Variants in TLK1 observed in about 807,000 individuals in gnomAD.
TLK1 encodes tousled like kinase 1.
TLK1 carries 24 observed loss-of-function variants against 105.3 expected under a neutral mutation model. The ratio of observed to expected loss-of-function variants is 0.23; its 90% CI spans 0.17 to 0.32. TLK1 has a LOEUF of 0.32. Among genes scored for constraint, TLK1 ranks in the 10% least tolerant of loss-of-function variants. The pLI is 1.00. For synonymous variants in TLK1, 321 were observed against 310.4 expected (o/e 1.03, Z -0.36); for missense variants, 558 against 910.5 (o/e 0.61, Z 4.98).
chr2:171,229,837 G>A (rs1341655105), intron 1 of TLK1, among the ~76,000 whole-genome samples: 3 of 152,144 alleles, frequency 2.0e-5, no homozygotes, highest in African/African-American at 7.2e-5. Context: ...TTGGCATGGC[G>A]AGTTAGCAGA....
At chr2:171,059,114 C>T (rs903705000) in intron 4 of TLK1, among the ~76,000 whole-genome samples, 1 of 152,172 alleles carries the variant, frequency 6.6e-6, no homozygotes. Flanking sequence ...TTCAGGACTA[C>T]CAATGCTACC....
At chr2:171,133,600 A>G (rs1291002665) in intron 1 of TLK1, among the ~76,000 whole-genome samples, 3 of 152,106 alleles carry the variant, frequency 2.0e-5, no homozygotes. Flanking sequence ...CCCTGTCTAA[A>G]ATAATATAAA....
intron 2 of TLK1, among the ~76,000 whole-genome samples, chr2:171,101,727 A>G (rs1689702180): frequency 6.6e-6 from 1 of 152,260 alleles, no homozygotes; most frequent in African/African-American, 2.4e-5. Context: ...ATAATCATTC[A>G]TGCAAACACT....
intron 11 of TLK1, among the ~76,000 whole-genome samples, chr2:171,037,657 T>C (rs1291105493): frequency 1.3e-5 from 2 of 152,142 alleles, no homozygotes; most frequent in African/African-American, 4.8e-5. Context: ...ATGTGAAAAG[T>C]TATATATATT....
At chr2:171,230,096 C>T (rs1693966888) in intron 1 of TLK1, among the ~76,000 whole-genome samples, 1 of 152,130 alleles carries the variant, frequency 6.6e-6, no homozygotes, top group Non-Finnish European at 1.5e-5. Context: ...ATACTTATTT[C>T]CAGAGGCCCA....
chr2:171,002,542 G>C (rs1026874000), intron 18 of TLK1, among the ~76,000 whole-genome samples: 2 of 152,030 alleles, frequency 1.3e-5, no homozygotes, highest in Non-Finnish European at 2.9e-5. Flanking sequence ...CCAAAGTGCT[G>C]GGATTATAGG....
intron 6 of TLK1, among the ~76,000 whole-genome samples, chr2:171,055,778 C>G (rs754524580): frequency 1.2e-4 from 18 of 151,652 alleles, no homozygotes; most frequent in Non-Finnish European, 2.4e-4. Flanking sequence ...TGTCTAAAGA[C>G]AAAGGACAAG....
At chr2:171,066,896 C>A in intron 3 of TLK1, 3 of 1,551,674 alleles carry the variant, frequency 1.9e-6, no homozygotes, top group Non-Finnish European at 2.6e-6. Context: ...AGAACAACTG[C>A]TGAAGGGTGG....
At chr2:171,044,517 G>C (rs1050939151) in intron 11 of TLK1, among the ~76,000 whole-genome samples, 1 of 152,180 alleles carries the variant, frequency 6.6e-6, no homozygotes, top group Non-Finnish European at 1.5e-5. Context: ...TAGCAACTAA[G>C]CAGGATGTGA....
intron 1 of TLK1, among the ~76,000 whole-genome samples, chr2:171,185,088 C>T (rs1012916964): frequency 6.6e-6 from 1 of 152,196 alleles, no homozygotes; most frequent in South Asian, 2.1e-4. Flanking sequence ...ATCTGCCCGC[C>T]TTGGCCTCCC....
At chr2:171,127,281 A>G (rs1476721767) in intron 1 of TLK1, among the ~76,000 whole-genome samples, 2 of 127,864 alleles carry the variant, frequency 1.6e-5, no homozygotes, top group Non-Finnish European at 3.4e-5. Context: ...CCGTCTCAAA[A>G]AAAAAAAAAA....
chr2:171,226,021 C>G (rs1041105703), intron 1 of TLK1, among the ~76,000 whole-genome samples: 7 of 152,166 alleles, frequency 4.6e-5, no homozygotes, highest in African/African-American at 1.4e-4. Flanking sequence ...ATATAATACT[C>G]TCTCACCACC....
intron 12 of TLK1, among the ~76,000 whole-genome samples, chr2:171,016,741 A>G (rs2723248): frequency 0.15 from 23,441 of 152,204 alleles, 3,425 homozygotes; most frequent in African/African-American, 0.38. Context: ...TCAGAGGAAT[A>G]TTTTAAGCAT....
chr2:171,074,556 G>A (rs1688410577), intron 3 of TLK1, among the ~76,000 whole-genome samples: 1 of 150,366 alleles, frequency 6.7e-6, no homozygotes, highest in African/African-American at 2.4e-5. Context: ...GAGCCCAGAA[G>A]GCAGTGGTTG....
intron 8 of TLK1, among the ~76,000 whole-genome samples, chr2:171,050,962 G>T (rs1687209997): frequency 6.6e-6 from 1 of 152,220 alleles, no homozygotes; most frequent in Non-Finnish European, 1.5e-5. Flanking sequence ...AGAATCAAAA[G>T]TCTAGGCCAA....
intron 2 of TLK1, among the ~76,000 whole-genome samples, chr2:171,083,305 CTGTT>C (rs1187410971): frequency 6.6e-6 from 1 of 152,092 alleles, no homozygotes; most frequent in Non-Finnish European, 1.5e-5. Flanking sequence ...ACAAACTGTC[CTGTT>C]TTTCTTTTTT....
chr2:171,035,892 A>G (rs1291242266), intron 11 of TLK1, among the ~76,000 whole-genome samples: 2 of 152,166 alleles, frequency 1.3e-5, no homozygotes, highest in Non-Finnish European at 2.9e-5. Flanking sequence ...ATTCTCTTCT[A>G]GAGTCTCTAG....
intron 11 of TLK1, chr2:171,045,322 C>G (rs961592875): frequency 1.3e-5 from 2 of 150,662 alleles, no homozygotes; most frequent in African/African-American, 4.9e-5. Context: ...CTCCGCCTCT[C>G]AAGTTCAAGC....
At chr2:171,210,272 T>C (rs191902619) in intron 1 of TLK1, among the ~76,000 whole-genome samples, 1 of 151,952 alleles carries the variant, frequency 6.6e-6, no homozygotes, top group African/African-American at 2.4e-5. Flanking sequence ...ACGTTCTTTT[T>C]TTATTATTTT....
Sources: gnomAD v4.1 joint callset for allele counts (sites outside exome capture counted in the v4.1 genomes callset) on GRCh38, gnomAD v4.1.1 for gene constraint, MANE v1.5 for transcripts, NCBI Gene and HGNC (gene_info 2026-07-23, HGNC 2026-07-21) for gene names.